Variants in BARD1 observed in about 807,000 individuals in gnomAD.
BARD1 encodes BRCA1 associated RING domain 1.
Under a neutral mutation model 77.0 loss-of-function variants are expected in BARD1, and 73 were observed. The observed-to-expected ratio is 0.95, with a 90% confidence interval of 0.79 to 1.15. The LOEUF (loss-of-function observed/expected upper bound fraction) is 1.15. Ranked by LOEUF, BARD1 falls within the 50% of genes most tolerant of loss-of-function variation. The probability of loss-of-function intolerance (pLI) is 0.00; values close to 1 mark genes in which losing one functional copy is unlikely to be tolerated. For synonymous variants in BARD1, 384 were observed against 338.0 expected, an observed-to-expected ratio of 1.14 and a Z score of -1.49; for missense variants, 993 against 938.8, an observed-to-expected ratio of 1.06 and a Z score of -0.75.
intron 5 of BARD1, 81 bp downstream of exon 5, chr2:214,769,148 GGAT>G (rs1694353378): frequency 8.9e-7 from 1 of 1,129,098 alleles, no homozygotes; most frequent in Non-Finnish European, 1.3e-6. Flanking sequence ...ATGTGGCAGA[GGAT>G]GATATATAGA....
chr2:214,749,183 GAAAA>G (rs5838469), intron 7 of BARD1, among the ~76,000 whole-genome samples: 1 of 140,266 alleles, frequency 7.1e-6, no homozygotes, highest in Admixed American at 7.1e-5. Flanking sequence ...CTAGTTCCTG[GAAAA>G]AAAAAAAAAA....
chr2:214,734,330 G>T (rs1692478934), intron 9 of BARD1, among the ~76,000 whole-genome samples: 1 of 152,138 alleles, frequency 6.6e-6, no homozygotes, highest in African/African-American at 2.4e-5. Flanking sequence ...AATATGGAAA[G>T]AAAAAGTAGA....
chr2:214,744,922 C>T lies in BARD1; in HGVS notation c.1903+145G>A, dbSNP rs146298985. On this transcript the variant is annotated intron_variant, in intron 9 of 10. Transcript: ENST00000260947. ...CTGGGATTACAGGCTTGAGCCACCA[C>T]GCCCAGCCAGAAGCTTTTCCAAAAT... 2.4e-3 allele frequency: 1,852 copies of T among 769,082 alleles called. 17 individuals carry two copies. Among genetic ancestry groups the T allele is most frequent in the African/African-American group, 0.02 (1,168 of 57,852 alleles). 47.6% of individuals were successfully genotyped at this position (769,082 alleles called of 1,614,324 possible).
intron 9 of BARD1, among the ~76,000 whole-genome samples, chr2:214,738,283 G>T (rs1176977248): frequency 6.6e-6 from 1 of 152,108 alleles, no homozygotes; most frequent in African/African-American, 2.4e-5. Flanking sequence ...TTTCATGTAA[G>T]CTTTCCTTTT....
intron 6 of BARD1, among the ~76,000 whole-genome samples, chr2:214,762,546 T>A (rs966213258): frequency 6.6e-6 from 1 of 152,196 alleles, no homozygotes; most frequent in African/African-American, 2.4e-5. Flanking sequence ...AGTCTAACTT[T>A]GATATCAAAA....
intron 1 of BARD1, among the ~76,000 whole-genome samples, chr2:214,797,505 G>A (rs1695814867): frequency 6.6e-6 from 1 of 152,072 alleles, no homozygotes; most frequent in African/African-American, 2.4e-5. Context: ...CTCAAAATGT[G>A]TCCCACACGT....
intron 9 of BARD1, among the ~76,000 whole-genome samples, chr2:214,741,931 T>C (rs923736661): frequency 1.2e-4 from 19 of 152,226 alleles, no homozygotes; most frequent in Non-Finnish European, 2.6e-4. Context: ...TTTTGTATAA[T>C]TCTTTTTGTT....
At chr2:214,744,613 T>C (rs1165161994) in intron 9 of BARD1, among the ~76,000 whole-genome samples, 3 of 152,104 alleles carry the variant, frequency 2.0e-5, no homozygotes, top group Admixed American at 2.0e-4. Flanking sequence ...AATGACACCA[T>C]AAATATGAGA....
chr2:214,787,285 T>C (rs1358252031), intron 3 of BARD1, among the ~76,000 whole-genome samples: 1 of 151,898 alleles, frequency 6.6e-6, no homozygotes, highest in Non-Finnish European at 1.5e-5. Context: ...TTTCCTACCT[T>C]ATAAATGAGT....
Position 214,730,395 on chromosome 2 carries a change from A to C in BARD1, c.2001+16T>G. The stretch of plus-strand genomic sequence containing the variant: ...TCATAATAAGAACAATGAAAGTTGT[A>C]TTAAAAGAAAAATACCAGCTGTTCT... On this transcript the variant is annotated intron_variant, in intron 10 of 10. Coordinates refer to ENST00000260947, the MANE Select transcript of BARD1 (RefSeq NM_000465.4). 3.7e-6 allele frequency: 6 copies of C among 1,603,016 alleles called. No individual in the cohort carries two copies. Among genetic ancestry groups the C allele is most frequent in the Non-Finnish European group, 5.1e-6 (6 of 1,169,904 alleles).
At chr2:214,781,567 G>T in intron 3 of BARD1, 58 bp from the exon 4 acceptor site, 2 of 1,430,896 alleles carry the variant, frequency 1.4e-6, no homozygotes, top group African/African-American at 1.4e-5. Context: ...CCCACATGGA[G>T]CTCCCGAAGA....
intron 6 of BARD1, among the ~76,000 whole-genome samples, chr2:214,753,336 T>C (rs999071269): frequency 4.6e-5 from 7 of 152,224 alleles, no homozygotes; most frequent in Non-Finnish European, 8.8e-5. Context: ...AAAGGACTTC[T>C]GTCTACTATT....
chr2:214,809,261 A>T, intron 1 of BARD1, 151 bp downstream of exon 1: 3 of 1,077,046 alleles, frequency 2.8e-6, no homozygotes, highest in Non-Finnish European at 4.0e-6. Flanking sequence ...AGTTGTTAAT[A>T]CTATATCCCC....
At chr2:214,742,877 T>C (rs1449832209) in intron 9 of BARD1, among the ~76,000 whole-genome samples, 1 of 152,216 alleles carries the variant, frequency 6.6e-6, no homozygotes, top group African/African-American at 2.4e-5. Context: ...CTATTTCTCC[T>C]TATAACCACT....
chr2:214,792,568 T>C (rs533828448), intron 2 of BARD1, 123 bp from the exon 3 acceptor site: 4 of 943,830 alleles, frequency 4.2e-6, no homozygotes, highest in South Asian at 1.7e-5. Flanking sequence ...TGGTCAATTG[T>C]AATATCCTTG....
At chr2:214,805,217 C>G (rs955352889) in intron 1 of BARD1, among the ~76,000 whole-genome samples, 20 of 152,214 alleles carry the variant, frequency 1.3e-4, no homozygotes, top group African/African-American at 4.8e-4. Flanking sequence ...CTTCCTTCCA[C>G]TGGCCCTACC....
intron 6 of BARD1, among the ~76,000 whole-genome samples, chr2:214,760,269 T>A (rs1202565677): frequency 6.6e-6 from 1 of 152,202 alleles, no homozygotes; most frequent in Non-Finnish European, 1.5e-5. Context: ...CTCGGCTTAC[T>A]GCAACCTCCG....
At chr2:214,769,550 T>C (rs1217154320) in intron 4 of BARD1, among the ~76,000 whole-genome samples, 1 of 152,180 alleles carries the variant, frequency 6.6e-6, no homozygotes, top group Non-Finnish European at 1.5e-5. Flanking sequence ...GAGACCAGCC[T>C]GGTCAACATG....
In BARD1 at chr2:214,728,867, G is replaced by C. The variant is rs1553612164; in HGVS notation, c.2143C>G (p.Gln715Glu). ...TGGTATGCGACTGTATTGATGGTCT[G>C]AGTCACGTCACTGTCTGGCTTGGGC... ...RKPKPDSDVT[Q>E]TINTVAYHAR... The change falls in exon 11 of 11, where the codon CAG (glutamine) becomes GAG (glutamate). Residue 715 changes from glutamine to glutamate, a missense_variant. Gln to Glu is a conservative substitution (Grantham distance 29). Transcript: ENST00000260947. The C allele has an allele frequency of 6.2e-7, 1 of 1,614,194 alleles. No individual in the cohort carries two copies. Among genetic ancestry groups the C allele is most frequent in the East Asian group, 2.2e-5 (1 of 44,884 alleles).
Sources: gnomAD v4.1 joint callset for allele counts (sites outside exome capture counted in the v4.1 genomes callset) on GRCh38, gnomAD v4.1.1 for gene constraint, MANE v1.5 for transcripts, NCBI Gene and HGNC (gene_info 2026-07-23, HGNC 2026-07-21) for gene names.